Variants in COL4A6 observed in about 807,000 individuals in gnomAD.
The protein encoded by COL4A6 is collagen type IV alpha 6 chain, also known as collagen alpha-6(IV) chain.
In COL4A6, 59 loss-of-function variants were observed where a neutral mutation model predicts 126.7. The observed-to-expected ratio is 0.47, with a 90% confidence interval of 0.38 to 0.58. COL4A6 has a LOEUF of 0.58. Among genes scored for constraint, COL4A6 ranks in the 20% least tolerant of loss-of-function variants. The probability of loss-of-function intolerance (pLI) is 0.00; values close to 1 mark genes in which losing one functional copy is unlikely to be tolerated. For missense variants in COL4A6, 1,285 were observed against 1,337.3 expected (o/e 0.96, Z 0.61); for synonymous variants, 547 against 496.6 (o/e 1.10, Z -1.35).
chrX:108,190,539 C>G, intron 19 of COL4A6, 43 bp from the exon 20 acceptor site: 1 of 874,983 alleles, frequency 1.1e-6, no homozygotes, highest in Non-Finnish European at 1.7e-6. Flanking sequence ...CTTGTATAAG[C>G]CTGATGACTT....
chrX:108,359,087 C>A (rs1208458272), intron 2 of COL4A6, among the ~76,000 whole-genome samples: 2 of 112,379 alleles, frequency 1.8e-5, no homozygotes, highest in East Asian at 5.6e-4. Context: ...AAGATATTAT[C>A]TCCAAGTCCT....
intron 2 of COL4A6, among the ~76,000 whole-genome samples, chrX:108,425,748 A>G (rs747547886): frequency 9.2e-6 from 1 of 109,248 alleles, no homozygotes; most frequent in East Asian, 2.9e-4. Context: ...ACACACACAC[A>G]CACACACACA....
chrX:108,439,368 G>T, upstream of COL4A6: 1 of 814,456 alleles, frequency 1.2e-6, no homozygotes, highest in Non-Finnish European at 1.7e-6. Context: ...TTGTTTATAA[G>T]CATATACTTT....
intron 2 of COL4A6, among the ~76,000 whole-genome samples, chrX:108,413,095 GCAGGA>G (rs2041362868): frequency 8.9e-6 from 1 of 111,987 alleles, no homozygotes; most frequent in Non-Finnish European, 1.9e-5. Context: ...AAGGCACACA[GCAGGA>G]TTGCTACACT....
At chrX:108,325,617 A>G (rs992331840) in intron 2 of COL4A6, among the ~76,000 whole-genome samples, 6 of 111,636 alleles carry the variant, frequency 5.4e-5, no homozygotes, top group African/African-American at 2.0e-4. Flanking sequence ...TGAGTCCAGC[A>G]TTACATTACA....
intron 8 of COL4A6, among the ~76,000 whole-genome samples, chrX:108,208,011 TA>T (rs2035600224): frequency 4.5e-5 from 5 of 111,873 alleles, no homozygotes; most frequent in Admixed American, 3.8e-4. Flanking sequence ...AAAAATTTTT[TA>T]AAAAAGCAAA....
rs1255521925 is a variant in COL4A6, at chrX:108,192,408, G to A, written c.1180+65C>T. 6 of 804,238 alleles carry A rather than the reference G, an allele frequency of 7.5e-6. No individual in the cohort carries two copies. The Admixed American group carries it at 1.6e-4, about 21-fold the overall frequency. The allele number at this position is 804,238 out of a possible 1,213,427, so 66.3% of individuals were successfully genotyped here. ...GTGCCCCGACCCAGAGGTATAGAAG[G>A]GAATGCTGGGAACCACAGTGTATAG... On this transcript the variant is annotated intron_variant, in intron 18 of 44. Coordinates refer to ENST00000334504, the MANE Select transcript of COL4A6 (RefSeq NM_033641.4).
intron 2 of COL4A6, among the ~76,000 whole-genome samples, chrX:108,368,271 A>G (rs1366180114): frequency 9.0e-6 from 1 of 111,496 alleles, no homozygotes; most frequent in Non-Finnish European, 1.9e-5. Flanking sequence ...GCAGGCAATT[A>G]TAAAACAATG....
At chrX:108,418,433 C>T (rs1215474674) in intron 2 of COL4A6, among the ~76,000 whole-genome samples, 1 of 111,665 alleles carries the variant, frequency 9.0e-6, no homozygotes, top group African/African-American at 3.3e-5. Context: ...AAGTTGATAA[C>T]TGTTGAAGCT....
At chrX:108,228,583 G>A (rs973476817) in intron 3 of COL4A6, among the ~76,000 whole-genome samples, 1 of 112,456 alleles carries the variant, frequency 8.9e-6, no homozygotes, top group Non-Finnish European at 1.9e-5. Flanking sequence ...CAGCATGGCT[G>A]GAGAGGCCTC....
At chrX:108,432,917 G>A (rs1045118738) in intron 2 of COL4A6, among the ~76,000 whole-genome samples, 2 of 112,008 alleles carry the variant, frequency 1.8e-5, no homozygotes, top group Admixed American at 9.4e-5. Context: ...ACTGGGAAAT[G>A]TCAGATAACA....
chrX:108,188,770 C>T, intron 20 of COL4A6, 93 bp from the exon 21 acceptor site: 1 of 872,598 alleles, frequency 1.1e-6, no homozygotes, highest in Middle Eastern at 3.0e-4. Flanking sequence ...TGAACAACTC[C>T]ATAGAGGGAA....
chrX:108,252,870 A>G (rs2036886334), intron 3 of COL4A6, among the ~76,000 whole-genome samples: 1 of 112,060 alleles, frequency 8.9e-6, no homozygotes, highest in Non-Finnish European at 1.9e-5. Context: ...AATCAATGTG[A>G]TAAACCACAT....
At chrX:108,297,766 G>A (rs1390529438) in intron 3 of COL4A6, among the ~76,000 whole-genome samples, 1 of 110,491 alleles carries the variant, frequency 9.1e-6, no homozygotes. Context: ...CTAGAGTGAG[G>A]GGCAACTTAC....
intron 2 of COL4A6, among the ~76,000 whole-genome samples, chrX:108,311,818 T>G (rs752122021): frequency 2.2e-4 from 25 of 111,871 alleles, no homozygotes; most frequent in African/African-American, 7.8e-4. Context: ...GGGACTTCAT[T>G]GTTTTGTCCA....
At chrX:108,213,728 T>A (rs1356431928) in intron 6 of COL4A6, 1 of 139,669 alleles carries the variant, frequency 7.2e-6, no homozygotes, top group Non-Finnish European at 1.4e-5. Context: ...GCAAGCCCCT[T>A]TGGGTTTTGG....
At chrX:108,223,319 T>C (rs1352553894) in intron 3 of COL4A6, among the ~76,000 whole-genome samples, 1 of 111,466 alleles carries the variant, frequency 9.0e-6, no homozygotes, top group Admixed American at 9.5e-5. Flanking sequence ...CCATGGCATA[T>C]GTATACCTGT....
intron 3 of COL4A6, among the ~76,000 whole-genome samples, chrX:108,300,837 C>T (rs1302590267): frequency 9.1e-6 from 1 of 110,151 alleles, no homozygotes; most frequent in East Asian, 2.9e-4. Flanking sequence ...CCCCAGAGTA[C>T]TTTCTTAAAT....
intron 2 of COL4A6, among the ~76,000 whole-genome samples, chrX:108,353,227 A>AC (rs2039883841): frequency 8.9e-6 from 1 of 111,997 alleles, no homozygotes; most frequent in East Asian, 2.8e-4. Flanking sequence ...GTACTCATGT[A>AC]AATTTCCTTC....
Sources: gnomAD v4.1 joint callset for allele counts (sites outside exome capture counted in the v4.1 genomes callset) on GRCh38, gnomAD v4.1.1 for gene constraint, MANE v1.5 for transcripts, NCBI Gene and HGNC (gene_info 2026-07-23, HGNC 2026-07-21) for gene names.